NELL1: variants seen among roughly 807,000 people sequenced by gnomAD.
NELL1 encodes neural EGFL like 1, also known as protein kinase C-binding protein NELL1.
Under a neutral mutation model 107.4 loss-of-function variants are expected in NELL1, and 76 were observed. That is an observed-to-expected ratio of 0.71 (90% CI 0.59 to 0.86). The LOEUF is 0.86. Ranked by LOEUF, NELL1 falls within the 40% of genes least tolerant of loss-of-function variation. The probability of loss-of-function intolerance (pLI) is 0.00; values close to 1 mark genes in which losing one functional copy is unlikely to be tolerated. For missense variants in NELL1, 1,024 were observed against 1,005.5 expected (o/e 1.02, Z -0.25); for synonymous variants, 353 against 341.2 (o/e 1.03, Z -0.38).
intron 12 of NELL1, among the ~76,000 whole-genome samples, chr11:21,038,986 GA>G (rs1853161988): frequency 6.6e-6 from 1 of 152,104 alleles, no homozygotes; most frequent in South Asian, 2.1e-4. Context: ...TGGACTGTAG[GA>G]AAAAGTACTC....
intron 14 of NELL1, chr11:21,284,382 G>T (rs977286256): frequency 6.6e-6 from 3 of 457,026 alleles, no homozygotes; most frequent in South Asian, 1.5e-5. Context: ...AAGTCTTTGT[G>T]CATTGCTGAA....
chr11:20,748,711 C>T (rs1856059945), intron 2 of NELL1, among the ~76,000 whole-genome samples: 1 of 152,182 alleles, frequency 6.6e-6, no homozygotes, highest in Non-Finnish European at 1.5e-5. Context: ...CCTCCGGCTC[C>T]ATTCAAGTTG....
At chr11:21,493,163 T>C (rs916150469) in intron 15 of NELL1, among the ~76,000 whole-genome samples, 2 of 152,142 alleles carry the variant, frequency 1.3e-5, no homozygotes, top group African/African-American at 4.8e-5. Flanking sequence ...AAAACCACTA[T>C]GGAGAACAGT....
intron 14 of NELL1, among the ~76,000 whole-genome samples, chr11:21,282,436 T>A (rs1265102826): frequency 7.8e-6 from 1 of 128,542 alleles, no homozygotes; most frequent in Non-Finnish European, 1.5e-5. Flanking sequence ...GCTGACATCA[T>A]ACCATGCACT....
At chr11:21,013,372 A>G (rs530734923) in intron 12 of NELL1, among the ~76,000 whole-genome samples, 4 of 152,130 alleles carry the variant, frequency 2.6e-5, no homozygotes, top group Non-Finnish European at 5.9e-5. Flanking sequence ...GGAAGATTAG[A>G]GCTGCTTGGA....
At chr11:21,562,349 T>A (rs1358152886) in intron 17 of NELL1, among the ~76,000 whole-genome samples, 1 of 152,082 alleles carries the variant, frequency 6.6e-6, no homozygotes, top group African/African-American at 2.4e-5. Context: ...TTTGTTAATA[T>A]GATGCACCTT....
chr11:21,288,062 G>GAAGGGAAGGAAGGAAAT (rs1554994479), intron 14 of NELL1, among the ~76,000 whole-genome samples: 2 of 148,122 alleles, frequency 1.4e-5, no homozygotes, highest in East Asian at 2.0e-4. Flanking sequence ...AGGAAGGAAA[G>GAAGGGAAGGAAGGAAAT]AAGGAAATAA....
rs576619482 is a variant in NELL1, at chr11:21,290,024, T to G, written c.1549+60570T>G. Among the ~76,000 whole-genome samples, 107 of 152,214 alleles carry G rather than the reference T, an allele frequency of 7.0e-4. 1 individual carries two copies. The highest frequency in any genetic ancestry group is 2.5e-3 in the African/African-American group (103 of 41,542). On this transcript the variant is annotated intron_variant, in intron 14 of 19. Transcript: ENST00000357134. ...TTTATAGATAAAATTCCCATCTCCCTCGGACATAGCACCTGGGGGAAGGGG... is the reference window on the plus strand; with the variant it reads ...TTTATAGATAAAATTCCCATCTCCCGCGGACATAGCACCTGGGGGAAGGGG...
chr11:20,840,019 T>G (rs1848593890), intron 3 of NELL1, among the ~76,000 whole-genome samples: 1 of 152,276 alleles, frequency 6.6e-6, no homozygotes, highest in Admixed American at 6.5e-5. Context: ...AAATAATAGA[T>G]TAATGAGAAA....
At chr11:20,933,375 G>C (rs2134179631) in intron 9 of NELL1, among the ~76,000 whole-genome samples, 1 of 152,320 alleles carries the variant, frequency 6.6e-6, no homozygotes, top group Non-Finnish European at 1.5e-5. Context: ...AGAGCCTGTG[G>C]GAGACTCACG....
chr11:21,371,439 A>G lies in NELL1; in HGVS notation c.1645+491A>G, dbSNP rs535334931. ...TGGTTTATTAGGAACATTATCATTC[A>G]TAGACCTGATAATATAAGCCAATTA... On this transcript the variant is annotated intron_variant, in intron 15 of 19. Coordinates refer to ENST00000357134, the MANE Select transcript of NELL1 (RefSeq NM_006157.5). Among the ~76,000 whole-genome samples the G allele has an allele frequency of 1.1e-4, 17 of 152,232 alleles. No individual in the cohort carries two copies. The South Asian group carries it at 3.5e-3, about 32-fold the overall frequency.
At chr11:21,072,044 G>C (rs1019658037) in intron 12 of NELL1, among the ~76,000 whole-genome samples, 4 of 152,068 alleles carry the variant, frequency 2.6e-5, no homozygotes, top group African/African-American at 9.7e-5. Flanking sequence ...ATGGGGATTA[G>C]GTTGCCTTGT....
intron 16 of NELL1, among the ~76,000 whole-genome samples, chr11:21,539,424 G>A (rs978545358): frequency 6.6e-6 from 1 of 151,944 alleles, no homozygotes; most frequent in African/African-American, 2.4e-5. Flanking sequence ...TCAAGCTCTT[G>A]TCTGGTGTCC....
chr11:21,257,868 C>T (rs1858809341), intron 14 of NELL1, among the ~76,000 whole-genome samples: 1 of 151,970 alleles, frequency 6.6e-6, no homozygotes, highest in Non-Finnish European at 1.5e-5. Context: ...GCCACCAGAG[C>T]ATCCTACCCT....
chr11:21,427,623 C>A (rs1408450287), intron 15 of NELL1, among the ~76,000 whole-genome samples: 1 of 152,176 alleles, frequency 6.6e-6, no homozygotes, highest in Non-Finnish European at 1.5e-5. Flanking sequence ...AATCCTCCAA[C>A]ACTTAGGGAG....
At chr11:20,779,217 T>A (rs1445835799) in intron 2 of NELL1, among the ~76,000 whole-genome samples, 1 of 152,214 alleles carries the variant, frequency 6.6e-6, no homozygotes, top group Non-Finnish European at 1.5e-5. Flanking sequence ...GAAATGGATG[T>A]CAATGATGGG....
intron 15 of NELL1, among the ~76,000 whole-genome samples, chr11:21,473,698 T>C (rs1486304683): frequency 6.6e-6 from 1 of 152,018 alleles, no homozygotes; most frequent in African/African-American, 2.4e-5. Flanking sequence ...GTGGGCAAGA[T>C]AATTTGTATG....
intron 15 of NELL1, among the ~76,000 whole-genome samples, chr11:21,492,668 T>C (rs1323059630): frequency 1.4e-5 from 2 of 145,666 alleles, no homozygotes; most frequent in African/African-American, 5.1e-5. Context: ...CACTGCATGT[T>C]CTCACTCATA....
chr11:21,062,602 G>A (rs2134364859), intron 12 of NELL1, among the ~76,000 whole-genome samples: 1 of 152,140 alleles, frequency 6.6e-6, no homozygotes, highest in Non-Finnish European at 1.5e-5. Flanking sequence ...TTGGTATACT[G>A]CAATTCAGTT....
Sources: allele counts gnomAD v4.1 joint callset (sites outside exome capture counted in the v4.1 genomes callset), GRCh38; gene constraint gnomAD v4.1.1; transcripts MANE v1.5; gene names NCBI Gene and HGNC (gene_info 2026-07-23, HGNC 2026-07-21).